The following RARB variants were observed in gnomAD, a reference collection of about 807,000 sequenced individuals.
RARB encodes HBV-activated protein.
A neutral mutation model predicts 51.9 loss-of-function variants in RARB; 17 were observed. That is an observed-to-expected ratio of 0.33 (90% CI 0.22 to 0.49). The LOEUF is 0.49. Among genes scored for constraint, RARB ranks in the 20% least tolerant of loss-of-function variants. The pLI is 0.99. For synonymous variants in RARB, 215 were observed against 195.4 expected, an observed-to-expected ratio of 1.10 and a Z score of -0.84; for missense variants, 369 against 550.8, an observed-to-expected ratio of 0.67 and a Z score of 3.30.
intron 3 of RARB, among the ~76,000 whole-genome samples, chr3:25,125,796 T>C (rs1038310736): frequency 2.0e-5 from 3 of 152,196 alleles, no homozygotes; most frequent in Non-Finnish European, 4.4e-5. Context: ...TACTTGTTGA[T>C]TTGAATTGAA....
chr3:25,531,368 A>ATAGG (rs764832798), intron 3 of RARB, among the ~76,000 whole-genome samples: 19 of 131,778 alleles, frequency 1.4e-4, no homozygotes, highest in Non-Finnish European at 2.5e-4. Flanking sequence ...ATACAGATAG[A>ATAGG]TAGGTAGATA....
intron 2 of RARB, among the ~76,000 whole-genome samples, chr3:25,464,408 A>C (rs1695331815): frequency 6.6e-6 from 1 of 152,218 alleles, no homozygotes; most frequent in Admixed American, 6.5e-5. Flanking sequence ...CAGTTAAGTG[A>C]TACAGAGTCA....
intron 5 of RARB, among the ~76,000 whole-genome samples, chr3:25,261,482 G>C (rs1393941771): frequency 6.6e-6 from 1 of 151,944 alleles, no homozygotes; most frequent in East Asian, 1.9e-4. Context: ...TCTCATTCTG[G>C]AGTGATATAA....
chr3:25,558,364 G>A (rs905539616), intron 3 of RARB, among the ~76,000 whole-genome samples: 2 of 151,970 alleles, frequency 1.3e-5, no homozygotes, highest in African/African-American at 2.4e-5. Context: ...TCTGACTGGC[G>A]GCTACTTGAA....
At chr3:25,107,079 G>T (rs2125323828) in intron 3 of RARB, among the ~76,000 whole-genome samples, 1 of 152,022 alleles carries the variant, frequency 6.6e-6, no homozygotes. Context: ...TTTTGTATTT[G>T]CAGTAGAGAG....
At chr3:25,381,805 G>A (rs1706634577) in intron 5 of RARB, among the ~76,000 whole-genome samples, 1 of 152,182 alleles carries the variant, frequency 6.6e-6, no homozygotes, top group Non-Finnish European at 1.5e-5. Context: ...GAGAAACCTG[G>A]AGGGTGGGCC....
intron 5 of RARB, among the ~76,000 whole-genome samples, chr3:25,315,107 C>T (rs1056731703): frequency 6.6e-6 from 1 of 152,168 alleles, no homozygotes. Context: ...ACTTGGTGGA[C>T]ATTTAAAATT....
chr3:25,245,951 A>G (rs1460082283), intron 5 of RARB, among the ~76,000 whole-genome samples: 1 of 152,170 alleles, frequency 6.6e-6, no homozygotes, highest in Non-Finnish European at 1.5e-5. Flanking sequence ...ACTTTCAGTT[A>G]TACCAATCAA....
At chr3:25,536,809 G>A (rs962463974) in intron 3 of RARB, among the ~76,000 whole-genome samples, 2 of 152,188 alleles carry the variant, frequency 1.3e-5, no homozygotes, top group African/African-American at 4.8e-5. Flanking sequence ...GTGGCAGAGG[G>A]TTCTTCATGG....
intron 2 of RARB, among the ~76,000 whole-genome samples, chr3:25,036,728 A>T (rs908150660): frequency 1.4e-4 from 22 of 152,090 alleles, no homozygotes; most frequent in Admixed American, 3.9e-4. Context: ...TCGGAGAGCA[A>T]TGGTCTGGTT....
intron 2 of RARB, among the ~76,000 whole-genome samples, chr3:24,871,201 C>G (rs1291570048): frequency 1.3e-5 from 2 of 152,132 alleles, no homozygotes; most frequent in African/African-American, 4.8e-5. Context: ...TATACAGTAA[C>G]ACCTTATTAG....
At chr3:25,189,911 C>G (rs897458701) in intron 5 of RARB, among the ~76,000 whole-genome samples, 4 of 151,958 alleles carry the variant, frequency 2.6e-5, no homozygotes, top group African/African-American at 9.7e-5. Context: ...GAAAGAAAAT[C>G]CTTCATTGGG....
chr3:25,580,759 G>A lies in RARB; in HGVS notation c.786+37G>A, dbSNP rs773730347. ...TTTGAGCTCTCAATGGGTCTGGGGA[G>A]GGAGAGAGGGCACCGTGGAGGGGAG... On this transcript the variant is annotated intron_variant, in intron 5 of 7. Transcript: ENST00000330688. 5.2e-6 allele frequency: 8 copies of A among 1,539,502 alleles called. No individual in the cohort carries two copies. In the South Asian group the frequency reaches 8.5e-5, roughly 16 times the overall value.
chr3:25,207,459 A>G (rs919571638), intron 5 of RARB, among the ~76,000 whole-genome samples: 3 of 152,210 alleles, frequency 2.0e-5, no homozygotes, highest in Non-Finnish European at 4.4e-5. Context: ...TATATTCTGA[A>G]TAATAGTAGG....
At chr3:25,348,236 T>C (rs1459106284) in intron 5 of RARB, among the ~76,000 whole-genome samples, 1 of 152,184 alleles carries the variant, frequency 6.6e-6, no homozygotes. Flanking sequence ...CAGGTTTCTT[T>C]TAAACTATAT....
intron 3 of RARB, among the ~76,000 whole-genome samples, chr3:25,511,449 C>G (rs1697891461): frequency 6.6e-6 from 1 of 151,984 alleles, no homozygotes; most frequent in Non-Finnish European, 1.5e-5. Context: ...TTATTTTTTA[C>G]CCTACCTTTC....
At chr3:25,078,758 C>T (rs901038827) in intron 3 of RARB, among the ~76,000 whole-genome samples, 2 of 151,998 alleles carry the variant, frequency 1.3e-5, no homozygotes, top group East Asian at 3.9e-4. Flanking sequence ...CTCGAACTCC[C>T]GACCTCAGGT....
intron 3 of RARB, among the ~76,000 whole-genome samples, chr3:25,126,730 A>G (rs913132184): frequency 3.9e-5 from 6 of 152,158 alleles, no homozygotes; most frequent in African/African-American, 7.2e-5. Context: ...TCACTGATCA[A>G]TGGAACACCA....
At chr3:24,925,658 A>ATT in intron 2 of RARB, among the ~76,000 whole-genome samples, 2 of 149,534 alleles carry the variant, frequency 1.3e-5, no homozygotes, top group African/African-American at 4.9e-5. Context: ...TTTTTTTTAA[A>ATT]AAAAAAAAAA....
Sources: gnomAD v4.1 joint callset for allele counts (sites outside exome capture counted in the v4.1 genomes callset) on GRCh38, gnomAD v4.1.1 for gene constraint, MANE v1.5 for transcripts, NCBI Gene and HGNC (gene_info 2026-07-23, HGNC 2026-07-21) for gene names.